Variants in NELL2 observed in about 807,000 individuals in gnomAD.
NELL2 encodes neural EGFL like 2.
NELL2 carries 41 observed loss-of-function variants against 109.6 expected under a neutral mutation model. That is an observed-to-expected ratio of 0.37 (90% confidence interval 0.29 to 0.49). The LOEUF is 0.49. Ranked by LOEUF, NELL2 falls within the 20% of genes least tolerant of loss-of-function variation. The probability of loss-of-function intolerance (pLI) is 0.98; values close to 1 mark genes in which losing one functional copy is unlikely to be tolerated. For synonymous variants in NELL2, 355 were observed against 344.7 expected (o/e 1.03, Z -0.33); for missense variants, 900 against 1,008.3 (o/e 0.89, Z 1.45).
chr12:44,665,700 A>T, intron 12 of NELL2, 91 bp from the exon 13 acceptor site: 1 of 1,346,302 alleles, frequency 7.4e-7, no homozygotes, highest in South Asian at 1.9e-5. Flanking sequence ...GGAAGTATTT[A>T]CTAAATGAAT....
intron 9 of NELL2, among the ~76,000 whole-genome samples, chr12:44,773,214 G>A (rs1417158400): frequency 1.3e-5 from 2 of 152,150 alleles, no homozygotes; most frequent in African/African-American, 4.8e-5. Flanking sequence ...GGTGGCTCAC[G>A]CCTGTAATCC....
intron 11 of NELL2, among the ~76,000 whole-genome samples, chr12:44,708,478 A>C (rs956609526): frequency 1.4e-4 from 21 of 152,168 alleles, no homozygotes; most frequent in African/African-American, 5.1e-4. Context: ...CATCTTTAGC[A>C]CTATACAAAT....
intron 1 of NELL2, among the ~76,000 whole-genome samples, chr12:44,913,528 G>A (rs2136894949): frequency 6.6e-6 from 1 of 152,218 alleles, no homozygotes; most frequent in African/African-American, 2.4e-5. Context: ...CTCCTTCCCA[G>A]TCCTAAAATA....
chr12:44,685,651 AT>A (rs1235489865), intron 12 of NELL2, among the ~76,000 whole-genome samples: 3 of 151,856 alleles, frequency 2.0e-5, no homozygotes, highest in African/African-American at 7.3e-5. Flanking sequence ...TCTGTAAAGG[AT>A]TTTATTTCTC....
At chr12:44,817,029 C>T (rs1364933042) in intron 2 of NELL2, among the ~76,000 whole-genome samples, 1 of 152,208 alleles carries the variant, frequency 6.6e-6, no homozygotes, top group East Asian at 1.9e-4. Context: ...AATTACTCTC[C>T]TCTTTCCTAT....
intron 12 of NELL2, among the ~76,000 whole-genome samples, chr12:44,681,722 C>G (rs1948514297): frequency 6.6e-6 from 1 of 152,112 alleles, no homozygotes. Context: ...CCAATTTCAT[C>G]CATGTCCCTA....
chr12:44,744,149 C>T (rs1428258729), intron 9 of NELL2, among the ~76,000 whole-genome samples: 1 of 152,148 alleles, frequency 6.6e-6, no homozygotes, highest in Non-Finnish European at 1.5e-5. Flanking sequence ...AAGAAACTCA[C>T]TCAAAACCGC....
chr12:44,516,806 C>T (rs1351344144), intron 19 of NELL2, among the ~76,000 whole-genome samples: 1 of 151,858 alleles, frequency 6.6e-6, no homozygotes, highest in Admixed American at 6.6e-5. Context: ...AGCCTCTGCA[C>T]CCAGCAGTAA....
intron 12 of NELL2, among the ~76,000 whole-genome samples, chr12:44,674,127 T>C (rs1948230678): frequency 6.6e-6 from 1 of 152,174 alleles, no homozygotes; most frequent in Non-Finnish European, 1.5e-5. Flanking sequence ...AACAGACTTT[T>C]TTTAAAACAC....
chr12:44,522,064 T>C lies in NELL2; in HGVS notation c.2111A>G (p.Asn704Ser), dbSNP rs1190298202. Residue 704 changes from asparagine to serine, a missense_variant, in exon 18 of 20, where the codon AAT becomes AGT. Asn to Ser is a conservative substitution (Grantham distance 46). Transcript: ENST00000429094. ...PRLSSQCLHQNGETLYNSGDT... is the reference protein window; with the variant it reads ...PRLSSQCLHQSGETLYNSGDT... The stretch of plus-strand genomic sequence containing the variant: ...ACCACTGTTATACAAAGTTTCCCCA[T>C]TTTGATGGAGGCACTGACTACTAAG... The C allele has an allele frequency of 6.2e-7, 1 of 1,614,010 alleles. No homozygotes were observed. Among genetic ancestry groups the C allele is most frequent in the African/African-American group, 1.3e-5 (1 of 74,920 alleles).
chr12:44,792,587 C>T (rs1942475074), intron 3 of NELL2, among the ~76,000 whole-genome samples: 1 of 151,996 alleles, frequency 6.6e-6, no homozygotes, highest in South Asian at 2.1e-4. Context: ...AAATAAAATG[C>T]ATAATACATC....
intron 15 of NELL2, among the ~76,000 whole-genome samples, chr12:44,577,474 T>G (rs1327161027): frequency 6.3e-5 from 8 of 126,456 alleles, no homozygotes; most frequent in African/African-American, 1.8e-4. Context: ...AGTTTTTTTT[T>G]TTTTTTTTTT....
At chr12:44,820,893 TAGGTTTAGA>T (rs930778294) in intron 2 of NELL2, among the ~76,000 whole-genome samples, 42 of 151,674 alleles carry the variant, frequency 2.8e-4, no homozygotes, top group African/African-American at 9.7e-4. Context: ...GTTGACAATA[TAGGTTTAGA>T]AGTCACCAGA....
chr12:44,872,186 C>T (rs905341813), intron 2 of NELL2, among the ~76,000 whole-genome samples: 9 of 152,064 alleles, frequency 5.9e-5, no homozygotes, highest in Admixed American at 5.9e-4. Context: ...TCTACATTCA[C>T]TCCTCTAATT....
chr12:44,560,280 G>A (rs1484321174), intron 15 of NELL2, among the ~76,000 whole-genome samples: 5 of 152,066 alleles, frequency 3.3e-5, no homozygotes, highest in Non-Finnish European at 7.4e-5. Flanking sequence ...AAAGAAGCAA[G>A]AGCAAACAAA....
intron 13 of NELL2, among the ~76,000 whole-genome samples, chr12:44,633,582 T>A (rs1395576905): frequency 6.6e-6 from 1 of 152,136 alleles, no homozygotes; most frequent in African/African-American, 2.4e-5. Flanking sequence ...GTCATGCCTT[T>A]ACAAATCACA....
At chr12:44,832,275 T>C (rs557799691) in intron 2 of NELL2, among the ~76,000 whole-genome samples, 1 of 152,252 alleles carries the variant, frequency 6.6e-6, no homozygotes, top group South Asian at 2.1e-4. Flanking sequence ...TGTCTTTAGT[T>C]GATTATGTCT....
chr12:44,739,942 A>T (rs1939860933), intron 9 of NELL2, among the ~76,000 whole-genome samples: 1 of 152,216 alleles, frequency 6.6e-6, no homozygotes, highest in South Asian at 2.1e-4. Flanking sequence ...CCGCATGATC[A>T]TTCATTTTCA....
chr12:44,797,395 C>T (rs1273363352), intron 3 of NELL2, among the ~76,000 whole-genome samples: 1 of 152,026 alleles, frequency 6.6e-6, no homozygotes, highest in African/African-American at 2.4e-5. Context: ...TGAAAATGCA[C>T]ATAGCAGATG....
Sources: gnomAD v4.1 joint callset for allele counts (sites outside exome capture counted in the v4.1 genomes callset) on GRCh38, gnomAD v4.1.1 for gene constraint, MANE v1.5 for transcripts, NCBI Gene and HGNC (gene_info 2026-07-23, HGNC 2026-07-21) for gene names.